RFPL4AL1: variants seen among roughly 807,000 people sequenced by gnomAD.
The protein encoded by RFPL4AL1 is ret finger protein-like 4A-like protein 1.
A neutral mutation model predicts 8.2 loss-of-function variants in RFPL4AL1; 2 were observed. The observed-to-expected ratio is 0.24, with a 90% confidence interval of 0.10 to 0.77. The LOEUF is 0.77. Ranked by LOEUF, RFPL4AL1 falls within the 30% of genes least tolerant of loss-of-function variation. RFPL4AL1 has a pLI of 0.72. For synonymous variants in RFPL4AL1, 25 were observed against 131.8 expected (o/e 0.19, Z 5.55); for missense variants, 57 against 350.3 (o/e 0.16, Z 6.68).
At chr19:55,769,917 T>C (rs556892201) in intron 1 of RFPL4AL1, among the ~76,000 whole-genome samples, 2 of 150,700 alleles carry the variant, frequency 1.3e-5, no homozygotes, top group African/African-American at 5.0e-5. Flanking sequence ...AATAATCCAA[T>C]GTATATATCA....
chr19:55,771,694 C>T, intron 1 of RFPL4AL1, 102 bp from the exon 2 acceptor site: 6 of 1,234,494 alleles, frequency 4.9e-6, no homozygotes, highest in Non-Finnish European at 5.6e-6. Context: ...AAGTATGGTG[C>T]CATGATAGCT....
chr19:55,771,155 G>A lies in RFPL4AL1; in HGVS notation c.-9-641G>A, dbSNP rs1196914667. On this transcript the variant is annotated intron_variant, in intron 1 of 2. Coordinates refer to ENST00000341750, the MANE Select transcript of RFPL4AL1 (RefSeq NM_001277397.2). ...ACCTGGTACGACTTATTTGTATTTT[G>A]TGTCTTGTCCTTTTGGTGTGCTATC... 4.3e-5 allele frequency among the ~76,000 whole-genome samples: 4 copies of A among 94,022 alleles called. No homozygotes were observed. The East Asian group carries it at 1.3e-3, about 31-fold the overall frequency. The allele number at this position is 94,022 out of a possible 152,430, so 61.7% of individuals were successfully genotyped here.
intron 1 of RFPL4AL1, among the ~76,000 whole-genome samples, chr19:55,771,086 G>GTTTTTTTTTTTTTTTTTTTTTTTT (rs74183507): frequency 3.8e-5 from 5 of 130,354 alleles, no homozygotes; most frequent in Non-Finnish European, 6.3e-5. Flanking sequence ...TCTGTTTTTT[G>GTTTTTTTTTTTTTTTTTTTTTTTT]TTTTTTTTTT....
intron 1 of RFPL4AL1, among the ~76,000 whole-genome samples, chr19:55,770,478 G>A (rs1989471031): frequency 6.6e-6 from 1 of 151,908 alleles, no homozygotes; most frequent in Admixed American, 6.6e-5. Flanking sequence ...AGGAGTTTGG[G>A]GTTTCTATTT....
At chr19:55,770,118 T>C (rs1312600415) in intron 1 of RFPL4AL1, among the ~76,000 whole-genome samples, 2 of 152,022 alleles carry the variant, frequency 1.3e-5, no homozygotes, top group African/African-American at 4.8e-5. Flanking sequence ...GAAACCTCCC[T>C]ACTATTTTCT....
At chr19:55,772,248 T>C (rs1989514049) in intron 2 of RFPL4AL1, among the ~76,000 whole-genome samples, 158 bp downstream of exon 2, 1 of 133,106 alleles carries the variant, frequency 7.5e-6, no homozygotes, top group African/African-American at 2.6e-5. Flanking sequence ...GTAGAGATTT[T>C]CATGGAATCT....
intron 1 of RFPL4AL1, among the ~76,000 whole-genome samples, chr19:55,771,463 C>A (rs1256334859): frequency 4.6e-5 from 7 of 152,034 alleles, no homozygotes; most frequent in African/African-American, 1.7e-4. Context: ...CAGCACATCT[C>A]CATTCAGATA....
chr19:55,772,132 T>A (rs934891198), intron 2 of RFPL4AL1, 42 bp downstream of exon 2: 2 of 1,481,532 alleles, frequency 1.3e-6, no homozygotes, highest in African/African-American at 1.4e-5. Flanking sequence ...TAAAAGGCAC[T>A]GGGAAAACGA....
chr19:55,769,894 T>C (rs2547279), intron 1 of RFPL4AL1, among the ~76,000 whole-genome samples: 29,348 of 149,468 alleles, frequency 0.2, 3,569 homozygotes, highest in Admixed American at 0.31. Flanking sequence ...AATTGCCTTC[T>C]TTTTTATGGT....
At chr19:55,772,293 A>T (rs112000542) in intron 2 of RFPL4AL1, among the ~76,000 whole-genome samples, 1 of 126,876 alleles carries the variant, frequency 7.9e-6, no homozygotes, top group African/African-American at 2.7e-5. Flanking sequence ...AGAGCAAGCT[A>T]CTGTCTTCTT....
intron 1 of RFPL4AL1, 44 bp from the exon 2 acceptor site, chr19:55,771,752 A>G (rs1272303285): frequency 3.2e-6 from 5 of 1,549,984 alleles, no homozygotes; most frequent in African/African-American, 1.4e-5. Flanking sequence ...CTGTTCATTC[A>G]GCTCGTGGAA....
intron 1 of RFPL4AL1, among the ~76,000 whole-genome samples, chr19:55,770,435 G>A (rs1462431771): frequency 1.3e-5 from 2 of 151,928 alleles, no homozygotes; most frequent in Non-Finnish European, 2.9e-5. Flanking sequence ...GGAGAGAAGT[G>A]TGGGCGTGAT....
intron 1 of RFPL4AL1, among the ~76,000 whole-genome samples, chr19:55,771,086 G>GGTTTT (rs1555799526): frequency 9.2e-5 from 12 of 130,370 alleles, no homozygotes; most frequent in Admixed American, 2.3e-4. Context: ...TCTGTTTTTT[G>GGTTTT]TTTTTTTTTT....
intron 1 of RFPL4AL1, among the ~76,000 whole-genome samples, chr19:55,770,985 T>C (rs1989481645): frequency 6.6e-6 from 1 of 152,044 alleles, no homozygotes; most frequent in South Asian, 2.1e-4. Context: ...GGCTTTTTTT[T>C]CTTTTTGCTA....
At chr19:55,772,478 T>A (rs1989518690) in intron 2 of RFPL4AL1, 124 bp from the exon 3 acceptor site, 1 of 910,836 alleles carries the variant, frequency 1.1e-6, no homozygotes, top group African/African-American at 1.9e-5. Context: ...CCAGGAAATT[T>A]TGATTTGGGA....
chr19:55,769,656 C>A (rs1487611594), intron 1 of RFPL4AL1, among the ~76,000 whole-genome samples: 1 of 151,814 alleles, frequency 6.6e-6, no homozygotes, highest in Non-Finnish European at 1.5e-5. Context: ...TGGCCAGATG[C>A]TGGGACCCAC....
chr19:55,769,362 G>A (rs1300290776), intron 1 of RFPL4AL1, among the ~76,000 whole-genome samples, 187 bp downstream of exon 1: 1 of 151,884 alleles, frequency 6.6e-6, no homozygotes, highest in Non-Finnish European at 1.5e-5. Context: ...CAATACCAAG[G>A]CAAGAGACTT....
chr19:55,771,102 T>TTTTTTTTTTTTTTTTG (rs1989488336), intron 1 of RFPL4AL1, among the ~76,000 whole-genome samples: 1 of 149,072 alleles, frequency 6.7e-6, no homozygotes, highest in Non-Finnish European at 1.5e-5. Context: ...TTTTTTTTTT[T>TTTTTTTTTTTTTTTTG]TTTCCGCTAT....
chr19:55,772,298 C>G (rs7260322), intron 2 of RFPL4AL1, among the ~76,000 whole-genome samples: 66,376 of 126,574 alleles, frequency 0.52, 23,396 homozygotes, highest in African/African-American at 0.74. Flanking sequence ...AAGCTACTGT[C>G]TTCTTTCATG....
Sources: gnomAD v4.1 joint callset for allele counts (sites outside exome capture counted in the v4.1 genomes callset) on GRCh38, gnomAD v4.1.1 for gene constraint, MANE v1.5 for transcripts, NCBI Gene and HGNC (gene_info 2026-07-23, HGNC 2026-07-21) for gene names.